SLC25A27: variants seen among roughly 807,000 people sequenced by gnomAD.
SLC25A27 encodes mitochondrial uncoupling protein 4.
Under a neutral mutation model 49.1 loss-of-function variants are expected in SLC25A27, and 35 were observed. That is an observed-to-expected ratio of 0.71 (90% CI 0.54 to 0.95). The LOEUF is 0.95. Ranked by LOEUF, SLC25A27 falls within the 40% of genes least tolerant of loss-of-function variation. The pLI, the probability that SLC25A27 is intolerant of heterozygous loss-of-function variation, is 0.00. For synonymous variants in SLC25A27, 144 were observed against 136.9 expected, an observed-to-expected ratio of 1.05 and a Z score of -0.36; for missense variants, 339 against 397.1, an observed-to-expected ratio of 0.85 and a Z score of 1.24.
intron 3 of SLC25A27, 44 bp downstream of exon 3, chr6:46,659,090 T>C: frequency 8.2e-7 from 1 of 1,226,356 alleles, no homozygotes; most frequent in Non-Finnish European, 1.2e-6. Context: ...CCCAAATGCC[T>C]TAATGTTTAT....
At position 46,677,407 on chromosome 6, in the gene SLC25A27, T is replaced by G. The variant is rs1763835149; in HGVS notation, c.*953T>G. The G allele has an allele frequency of 6.6e-6, 1 of 152,212 alleles. No individual in the cohort carries two copies. Among genetic ancestry groups the G allele is most frequent in the South Asian group, 2.1e-4 (1 of 4,828 alleles). The allele number at this position is 152,212 out of a possible 1,614,324, so 9.4% of individuals were successfully genotyped here. ...GATATGAAGTCAGCCAACTCTGACA[T>G]GCGTCCTTTCTTATCTCCCTTACCT... On this transcript the variant is annotated 3_prime_UTR_variant, in exon 9 of 9. Transcript: ENST00000371347.
At position 46,670,178 on chromosome 6, in the gene SLC25A27, G is replaced by A. The variant is rs1332037494; in HGVS notation, c.748G>A (p.Asp250Asn). 11 of 1,612,432 alleles carry A rather than the reference G, an allele frequency of 6.8e-6. No homozygotes were observed. The highest frequency in any genetic ancestry group is 1.1e-5 in the South Asian group (1 of 90,738). The change falls in exon 7 of 9, where the codon GAT becomes AAT. Residue 250 changes from aspartate to asparagine, a missense_variant. Transcript: ENST00000371347. The stretch of plus-strand genomic sequence containing the variant: ...AGCTTCTATTCTGGGAACACCAGCC[G>A]ATGTCATCAAAAGCAGAATAATGAA... The part of the protein sequence containing the change: ...LVASILGTPA[D>N]VIKSRIMNQP...
At chr6:46,654,602 G>A (rs1762909351) in intron 1 of SLC25A27, among the ~76,000 whole-genome samples, 1 of 152,084 alleles carries the variant, frequency 6.6e-6, no homozygotes, top group Non-Finnish European at 1.5e-5. Context: ...AATGTGGGAT[G>A]GTTTTAAGTA....
intron 2 of SLC25A27, among the ~76,000 whole-genome samples, chr6:46,657,155 G>A (rs1763011460): frequency 1.3e-5 from 2 of 152,038 alleles, no homozygotes; most frequent in African/African-American, 4.8e-5. Flanking sequence ...AACAAAACAA[G>A]ACCCCATCTC....
chr6:46,672,215 AC>A (rs916030031), intron 8 of SLC25A27, among the ~76,000 whole-genome samples: 3 of 152,110 alleles, frequency 2.0e-5, no homozygotes, highest in Non-Finnish European at 2.9e-5. Context: ...AGGAAAAAAA[AC>A]ATTCTCTATA....
intron 8 of SLC25A27, among the ~76,000 whole-genome samples, chr6:46,671,711 A>T (rs902455393): frequency 1.3e-5 from 2 of 152,062 alleles, no homozygotes; most frequent in African/African-American, 4.8e-5. Context: ...TTTGGTTTAG[A>T]TGTTATTTTT....
intron 1 of SLC25A27, chr6:46,653,735 G>A (rs183520618): frequency 5.6e-4 from 547 of 985,288 alleles, no homozygotes; most frequent in Non-Finnish European, 6.1e-4. Flanking sequence ...TGGGACTTCC[G>A]TTATTAACCT....
intron 5 of SLC25A27, 67 bp from the exon 6 acceptor site, chr6:46,668,642 A>C (rs1332261308): frequency 1.1e-6 from 1 of 906,530 alleles, no homozygotes. Context: ...CCCCAAGCCT[A>C]GCATATTCTT....
At chr6:46,655,537 T>TGTTTG in intron 1 of SLC25A27, among the ~76,000 whole-genome samples, 1 of 13,686 alleles carries the variant, frequency 7.3e-5, no homozygotes, top group Non-Finnish European at 1.4e-4. Flanking sequence ...TAATGTTTGT[T>TGTTTG]TTTTTTTTTT....
At chr6:46,657,869 A>G (rs1427628740) in intron 2 of SLC25A27, among the ~76,000 whole-genome samples, 1 of 152,212 alleles carries the variant, frequency 6.6e-6, no homozygotes, top group Non-Finnish European at 1.5e-5. Flanking sequence ...TTCCAAGGCT[A>G]CCTAACTAGC....
In SLC25A27 at chr6:46,678,030, T is replaced by TATATATATATATATATATATA. The variant is rs1341548657; in HGVS notation, c.*1576_*1577insATATATATATATATATATATA. 2.0e-5 allele frequency: 2 copies of TATATATATATATATATATATA among 100,628 alleles called. No individual in the cohort carries two copies. Among genetic ancestry groups the TATATATATATATATATATATA allele is most frequent in the African/African-American group, 4.0e-5 (1 of 25,236 alleles). The allele number at this position is 100,628 out of a possible 1,614,324, so 6.2% of individuals were successfully genotyped here. A position where few individuals can be genotyped will look rare whatever the true frequency, so the allele number is the denominator to read the frequency against. On this transcript the variant is annotated 3_prime_UTR_variant, in exon 9 of 9. Transcript: ENST00000371347. ...CAATATGTAATTGCGTTGTAAAATA[T>TATATATATATATATATATATA]TATATATATATATATATATATATAT...
chr6:46,653,348 G>T, intron 1 of SLC25A27, 50 bp downstream of exon 1: 4 of 1,565,580 alleles, frequency 2.6e-6, no homozygotes, highest in Non-Finnish European at 3.5e-6. Context: ...CACGCGCCGC[G>T]CTGGGGGAGG....
chr6:46,673,145 T>G (rs1763618750), intron 8 of SLC25A27, among the ~76,000 whole-genome samples: 1 of 152,186 alleles, frequency 6.6e-6, no homozygotes, highest in Non-Finnish European at 1.5e-5. Flanking sequence ...ATGTAGAAGT[T>G]AAACATGTAA....
At chr6:46,670,642 A>C (rs541931109) in intron 7 of SLC25A27, 7 of 173,626 alleles carry the variant, frequency 4.0e-5, no homozygotes, top group African/African-American at 1.7e-4. Flanking sequence ...GGCATGAATC[A>C]GAAGAGTTAA....
At chr6:46,669,598 A>T (rs1382704327) in intron 6 of SLC25A27, among the ~76,000 whole-genome samples, 1 of 152,138 alleles carries the variant, frequency 6.6e-6, no homozygotes. Context: ...ACGCGCATGC[A>T]CACACGCATG....
In SLC25A27 at chr6:46,676,404, T is replaced by C; in HGVS notation, c.922T>C (p.Trp308Arg). The C allele has an allele frequency of 1.9e-6, 3 of 1,614,074 alleles. No homozygotes were observed. The highest frequency in any genetic ancestry group is 2.5e-6 in the Non-Finnish European group (3 of 1,179,910). Reference sequence around the variant, plus strand: ...TCAGACCCCTTGGTCAATGGTGTTCTGGCTTACTTATGAAAAAATCAGAGA... The same window carrying C: ...TCAGACCCCTTGGTCAATGGTGTTCCGGCTTACTTATGAAAAAATCAGAGA... ...LRMTPWSMVF[W>R]LTYEKIREMS... The change falls in exon 9 of 9, where the codon TGG becomes CGG. Residue 308 changes from tryptophan (W) to arginine (R), a missense_variant. By Grantham distance (101) the Trp-to-Arg change is moderately radical. Coordinates refer to ENST00000371347, the MANE Select transcript of SLC25A27 (RefSeq NM_004277.5).
In SLC25A27 at chr6:46,667,100, C is replaced by T. The variant is rs563298350; in HGVS notation, c.620-1609C>T. Among the ~76,000 whole-genome samples the T allele has an allele frequency of 2.0e-4, 31 of 152,248 alleles. No individual in the cohort carries two copies. The South Asian group carries it at 2.5e-3, about 12-fold the overall frequency. The stretch of plus-strand genomic sequence containing the variant: ...TTTGAAACTGATTTTATCAAGATTA[C>T]CTTTGCTACTACCTTATTTTTTTTA... On this transcript the variant is annotated intron_variant, in intron 5 of 8. Coordinates refer to ENST00000371347, the MANE Select transcript of SLC25A27 (RefSeq NM_004277.5).
chr6:46,672,429 G>A (rs145660727), intron 8 of SLC25A27, among the ~76,000 whole-genome samples: 56 of 152,288 alleles, frequency 3.7e-4, no homozygotes, highest in African/African-American at 1.3e-3. Context: ...TGCCTGTCGT[G>A]TGGATTGGGA....
At chr6:46,673,751 C>T (rs141747484) in intron 8 of SLC25A27, among the ~76,000 whole-genome samples, 1 of 152,206 alleles carries the variant, frequency 6.6e-6, no homozygotes, top group Non-Finnish European at 1.5e-5. Flanking sequence ...TGGGCCAAGC[C>T]TAGTAGTTTA....
Sources: allele counts gnomAD v4.1 joint callset (sites outside exome capture counted in the v4.1 genomes callset), GRCh38; gene constraint gnomAD v4.1.1; transcripts MANE v1.5; gene names NCBI Gene and HGNC (gene_info 2026-07-23, HGNC 2026-07-21).